CNTN5: variants seen among roughly 807,000 people sequenced by gnomAD.
CNTN5 encodes the protein contactin-5.
Under a neutral mutation model 129.1 loss-of-function variants are expected in CNTN5, and 77 were observed. That is an observed-to-expected ratio of 0.60 (90% CI 0.50 to 0.72). The LOEUF (loss-of-function observed/expected upper bound fraction) is 0.72. Among genes scored for constraint, CNTN5 ranks in the 30% least tolerant of loss-of-function variants. The probability of loss-of-function intolerance (pLI) is 0.00; values close to 1 mark genes in which losing one functional copy is unlikely to be tolerated. For missense variants in CNTN5, 1,478 were observed against 1,328.8 expected (o/e 1.11, Z -1.75); for synonymous variants, 509 against 465.6 (o/e 1.09, Z -1.20).
chr11:99,649,525 C>T (rs1041157882), intron 3 of CNTN5, among the ~76,000 whole-genome samples: 10 of 151,766 alleles, frequency 6.6e-5, no homozygotes, highest in African/African-American at 2.4e-4. Context: ...GAATAATGAG[C>T]AGATACTGAA....
chr11:99,099,569 C>G (rs1866626921), intron 1 of CNTN5, among the ~76,000 whole-genome samples: 1 of 152,020 alleles, frequency 6.6e-6, no homozygotes, highest in Non-Finnish European at 1.5e-5. Flanking sequence ...CACACACACA[C>G]ACACACACAC....
At chr11:100,265,555 A>G (rs1591452427) in intron 17 of CNTN5, among the ~76,000 whole-genome samples, 1 of 152,280 alleles carries the variant, frequency 6.6e-6, no homozygotes, top group African/African-American at 2.4e-5. Context: ...CATTAGAAAA[A>G]AAATGAATCT....
intron 1 of CNTN5, among the ~76,000 whole-genome samples, chr11:99,090,996 T>C (rs1866223973): frequency 8.7e-6 from 1 of 114,988 alleles, no homozygotes; most frequent in Non-Finnish European, 1.6e-5. Flanking sequence ...CACTCCAGCC[T>C]GGGCGACAGA....
At chr11:100,002,851 T>C (rs1015110322) in intron 9 of CNTN5, among the ~76,000 whole-genome samples, 1 of 151,718 alleles carries the variant, frequency 6.6e-6, no homozygotes, top group Non-Finnish European at 1.5e-5. Context: ...GTTGTTTTCT[T>C]TTTTTTTAGG....
chr11:99,665,642 T>C (rs1565404785), intron 3 of CNTN5, among the ~76,000 whole-genome samples: 2 of 151,386 alleles, frequency 1.3e-5, no homozygotes, highest in South Asian at 2.1e-4. Context: ...GCCCAGCAAC[T>C]TGCCCGGCTA....
At chr11:99,022,474 T>C (rs1435252185) in intron 1 of CNTN5, among the ~76,000 whole-genome samples, 1 of 152,202 alleles carries the variant, frequency 6.6e-6, no homozygotes, top group African/African-American at 2.4e-5. Context: ...TTTTGAGCAA[T>C]TCTCATGGTT....
chr11:100,006,412 T>C (rs1257285118), intron 9 of CNTN5, among the ~76,000 whole-genome samples: 1 of 152,154 alleles, frequency 6.6e-6, no homozygotes, highest in African/African-American at 2.4e-5. Flanking sequence ...GTCAATCCTC[T>C]CTAACTCTGC....
At chr11:100,323,915 A>G (rs996457392) in intron 21 of CNTN5, among the ~76,000 whole-genome samples, 3 of 152,092 alleles carry the variant, frequency 2.0e-5, no homozygotes, top group Admixed American at 6.6e-5. Flanking sequence ...CTCTCTTCCC[A>G]GCATCTCATA....
intron 6 of CNTN5, among the ~76,000 whole-genome samples, chr11:99,905,656 A>G (rs10894139): frequency 0.96 from 146,309 of 152,276 alleles, 70,460 homozygotes; most frequent in Non-Finnish European, 0.99. Context: ...ATTTAAAGTA[A>G]TTTTTTCTAA....
intron 8 of CNTN5, among the ~76,000 whole-genome samples, chr11:99,988,538 C>A (rs960156305): frequency 2.0e-5 from 3 of 152,138 alleles, no homozygotes; most frequent in Non-Finnish European, 4.4e-5. Flanking sequence ...GGAAGAGGAG[C>A]TCACTCAAGT....
At chr11:99,810,979 G>C (rs1053911472) in intron 3 of CNTN5, among the ~76,000 whole-genome samples, 2 of 152,062 alleles carry the variant, frequency 1.3e-5, no homozygotes, top group African/African-American at 4.8e-5. Flanking sequence ...ATGCTCTCAA[G>C]AGCATCACAC....
chr11:99,256,233 A>T (rs551981499), intron 1 of CNTN5, among the ~76,000 whole-genome samples: 9 of 152,096 alleles, frequency 5.9e-5, no homozygotes, highest in African/African-American at 2.2e-4. Flanking sequence ...TGTTTATTAT[A>T]TATCTGGACA....
intron 1 of CNTN5, among the ~76,000 whole-genome samples, chr11:99,081,766 G>A (rs1865809315): frequency 6.6e-6 from 1 of 152,144 alleles, no homozygotes; most frequent in Non-Finnish European, 1.5e-5. Context: ...ATAGCATGTA[G>A]TGTAAAAATA....
intron 3 of CNTN5, among the ~76,000 whole-genome samples, chr11:99,785,001 A>G (rs1437578286): frequency 1.3e-5 from 2 of 151,836 alleles, no homozygotes; most frequent in East Asian, 2.0e-4. Flanking sequence ...GGGTTTCACC[A>G]TGTTAGCCAG....
intron 3 of CNTN5, among the ~76,000 whole-genome samples, chr11:99,714,297 CAT>C (rs1169822493): frequency 2.0e-5 from 3 of 151,860 alleles, no homozygotes; most frequent in Non-Finnish European, 2.9e-5. Context: ...ATCACCTGTG[CAT>C]ATACATCCCA....
At chr11:99,214,871 C>T (rs531843436) in intron 1 of CNTN5, among the ~76,000 whole-genome samples, 95 of 152,198 alleles carry the variant, frequency 6.2e-4, no homozygotes, top group African/African-American at 2.2e-3. Flanking sequence ...CACAATATTT[C>T]TGCCAGTCAT....
At chr11:99,048,393 T>C (rs990543640) in intron 1 of CNTN5, among the ~76,000 whole-genome samples, 7 of 152,252 alleles carry the variant, frequency 4.6e-5, no homozygotes, top group African/African-American at 1.7e-4. Flanking sequence ...TTAATCAACC[T>C]TAAGGGAAAA....
chr11:100,058,645 T>C (rs1292302477), intron 9 of CNTN5, among the ~76,000 whole-genome samples: 1 of 152,136 alleles, frequency 6.6e-6, no homozygotes, highest in Non-Finnish European at 1.5e-5. Flanking sequence ...GCAACTTCAA[T>C]TTTATGTTTT....
chr11:99,608,525 C>T (rs1950500113), intron 3 of CNTN5, among the ~76,000 whole-genome samples: 2 of 152,094 alleles, frequency 1.3e-5, no homozygotes, highest in African/African-American at 4.8e-5. Flanking sequence ...TCCAGTAAGC[C>T]TGGTTTCCTT....
Sources: allele counts gnomAD v4.1 joint callset (sites outside exome capture counted in the v4.1 genomes callset), GRCh38; gene constraint gnomAD v4.1.1; transcripts MANE v1.5; gene names NCBI Gene and HGNC (gene_info 2026-07-23, HGNC 2026-07-21).